SH3BP5: variants seen among roughly 807,000 people sequenced by gnomAD.
SH3BP5 encodes the protein SH3 domain binding protein 5.
A neutral mutation model predicts 43.3 loss-of-function variants in SH3BP5; 22 were observed. That is an observed-to-expected ratio of 0.51 (90% CI 0.36 to 0.73). SH3BP5 has a LOEUF of 0.73. SH3BP5 is among the 30% of genes least tolerant of loss of function. The probability of loss-of-function intolerance (pLI) is 0.00; values close to 1 mark genes in which losing one functional copy is unlikely to be tolerated. For synonymous variants in SH3BP5, 255 were observed against 225.8 expected, an observed-to-expected ratio of 1.13 and a Z score of -1.16; for missense variants, 529 against 586.9, an observed-to-expected ratio of 0.90 and a Z score of 1.02.
intron 2 of SH3BP5, among the ~76,000 whole-genome samples, chr3:15,327,728 G>A (rs891058111): frequency 6.6e-6 from 1 of 152,248 alleles, no homozygotes; most frequent in Non-Finnish European, 1.5e-5. Flanking sequence ...TGTCTGACAA[G>A]CAGTTGGTGC....
chr3:15,267,700 A>C (rs1696682934), intron 4 of SH3BP5, among the ~76,000 whole-genome samples: 1 of 152,136 alleles, frequency 6.6e-6, no homozygotes, highest in African/African-American at 2.4e-5. Context: ...AACTCCAAAA[A>C]GCGCTATTCC....
At chr3:15,290,091 T>G (rs949401522) in intron 3 of SH3BP5, among the ~76,000 whole-genome samples, 2 of 152,120 alleles carry the variant, frequency 1.3e-5, no homozygotes, top group African/African-American at 4.8e-5. Flanking sequence ...AGGGCATCTT[T>G]TTTTACTTCC....
At chr3:15,306,556 C>G (rs1026704460) in intron 2 of SH3BP5, among the ~76,000 whole-genome samples, 1 of 152,020 alleles carries the variant, frequency 6.6e-6, no homozygotes, top group East Asian at 1.9e-4. Flanking sequence ...AGTGGATACT[C>G]CAAAAGAACA....
At chr3:15,274,207 T>C (rs892301007) in intron 3 of SH3BP5, among the ~76,000 whole-genome samples, 6 of 151,470 alleles carry the variant, frequency 4.0e-5, no homozygotes, top group Non-Finnish European at 8.8e-5. Context: ...GATCACACCA[T>C]TGCACTCTAG....
At chr3:15,308,651 T>C (rs76437062) in intron 2 of SH3BP5, among the ~76,000 whole-genome samples, 4,227 of 152,092 alleles carry the variant, frequency 0.028, 71 homozygotes, top group South Asian at 0.079. Context: ...CTGAACTCAA[T>C]CCCATGAACA....
chr3:15,260,792 G>A (rs556440528), intron 5 of SH3BP5, among the ~76,000 whole-genome samples: 2 of 152,326 alleles, frequency 1.3e-5, no homozygotes, highest in East Asian at 3.9e-4. Flanking sequence ...AAGCCACTCT[G>A]TGGAATGCAC....
intron 2 of SH3BP5, among the ~76,000 whole-genome samples, chr3:15,316,599 G>T (rs995129419): frequency 1.3e-5 from 2 of 152,114 alleles, no homozygotes; most frequent in Non-Finnish European, 2.9e-5. Context: ...ACAAAAAAAT[G>T]TTTAAAATAG....
At chr3:15,304,262 T>C (rs1186594421) in intron 2 of SH3BP5, 31 bp from the exon 3 acceptor site, 1 of 1,613,970 alleles carries the variant, frequency 6.2e-7, no homozygotes, top group Non-Finnish European at 8.5e-7. Flanking sequence ...GGAAACACAG[T>C]TGAGGCTTAA....
At chr3:15,324,557 G>A (rs146881256) in intron 2 of SH3BP5, among the ~76,000 whole-genome samples, 1 of 151,762 alleles carries the variant, frequency 6.6e-6, no homozygotes, top group East Asian at 1.9e-4. Context: ...CTGGAATCTG[G>A]TGCAGCTTCA....
intron 1 of SH3BP5, 28 bp from the exon 2 acceptor site, chr3:15,330,594 G>C: frequency 1.3e-6 from 2 of 1,551,436 alleles, no homozygotes; most frequent in Non-Finnish European, 1.7e-6. Flanking sequence ...GAGAAAAAAA[G>C]ACTTAAGGGA....
At chr3:15,309,511 T>C (rs1215381354) in intron 2 of SH3BP5, among the ~76,000 whole-genome samples, 1 of 152,196 alleles carries the variant, frequency 6.6e-6, no homozygotes, top group African/African-American at 2.4e-5. Context: ...TCCAAGTAGC[T>C]GGGACTACAG....
chr3:15,332,259 C>T lies in SH3BP5; in HGVS notation c.138+12G>A. On this transcript the variant is annotated intron_variant, in intron 1 of 8. Coordinates refer to ENST00000383791, the MANE Select transcript of SH3BP5 (RefSeq NM_004844.5). ...GCGAAGCCCGGATGCGGGGCGACCCCGCGCGCCCTACCTGGATCCGGGGAT... is the reference window on the plus strand; with the variant it reads ...GCGAAGCCCGGATGCGGGGCGACCCTGCGCGCCCTACCTGGATCCGGGGAT... 6.4e-7 allele frequency: 1 copy of T among 1,551,914 alleles called. No individual in the cohort carries two copies. The highest frequency in any genetic ancestry group is 8.7e-7 in the Non-Finnish European group (1 of 1,151,062).
chr3:15,257,318 C>A, intron 7 of SH3BP5: 1 of 566,056 alleles, frequency 1.8e-6, no homozygotes. Flanking sequence ...CAGCAGGATC[C>A]CATGGATATT....
At chr3:15,322,564 G>A (rs568549520) in intron 2 of SH3BP5, among the ~76,000 whole-genome samples, 28 of 152,200 alleles carry the variant, frequency 1.8e-4, no homozygotes, top group African/African-American at 6.0e-4. Context: ...GAGGCCGGGT[G>A]TGGCGGCTCA....
intron 2 of SH3BP5, among the ~76,000 whole-genome samples, chr3:15,305,089 C>G (rs1039755242): frequency 2.0e-5 from 3 of 151,608 alleles, no homozygotes; most frequent in African/African-American, 7.3e-5. Flanking sequence ...TGCACTGCAG[C>G]CTGGGTGACA....
At chr3:15,301,755 T>C (rs1448993975) in intron 3 of SH3BP5, among the ~76,000 whole-genome samples, 1 of 151,902 alleles carries the variant, frequency 6.6e-6, no homozygotes, top group East Asian at 1.9e-4. Context: ...CAGGAGCACG[T>C]TTCACATCAG....
chr3:15,302,917 T>A (rs1452322226), intron 3 of SH3BP5, among the ~76,000 whole-genome samples: 1 of 152,098 alleles, frequency 6.6e-6, no homozygotes, highest in East Asian at 1.9e-4. Context: ...CAAGCGATTC[T>A]CATGCCTCTG....
chr3:15,319,840 T>A (rs1041891423), intron 2 of SH3BP5, among the ~76,000 whole-genome samples: 1 of 152,130 alleles, frequency 6.6e-6, no homozygotes, highest in Non-Finnish European at 1.5e-5. Flanking sequence ...CAGGCTGACA[T>A]CTGACTGCAT....
rs377236490 is a variant in SH3BP5 at position 15,315,649 on chromosome 3, G to A, written c.202-11418C>T. 3.9e-5 allele frequency among the ~76,000 whole-genome samples: 6 copies of A among 152,264 alleles called. No homozygotes were observed. In the South Asian group the frequency reaches 1.2e-3, roughly 32 times the overall value. On this transcript the variant is annotated intron_variant, in intron 2 of 8. Transcript: ENST00000383791. ...TTCCCTCCTAGACAGAAAGGGTCTG[G>A]TTTAGAACTCTGATCTAACTATGAA...
Sources: gnomAD v4.1 joint callset for allele counts (sites outside exome capture counted in the v4.1 genomes callset) on GRCh38, gnomAD v4.1.1 for gene constraint, MANE v1.5 for transcripts, NCBI Gene and HGNC (gene_info 2026-07-23, HGNC 2026-07-21) for gene names.